Variants in ATP6V0D1 observed in about 807,000 individuals in gnomAD.
The protein encoded by ATP6V0D1 is V-type proton ATPase subunit d 1.
A neutral mutation model predicts 39.0 loss-of-function variants in ATP6V0D1; 13 were observed. That is an observed-to-expected ratio of 0.33 (90% CI 0.22 to 0.53). The LOEUF is 0.53. Among genes scored for constraint, ATP6V0D1 ranks in the 20% least tolerant of loss-of-function variants. The pLI is 0.94. For synonymous variants in ATP6V0D1, 191 were observed against 191.2 expected, an observed-to-expected ratio of 1.00 and a Z score of 0.01; for missense variants, 272 against 470.9, an observed-to-expected ratio of 0.58 and a Z score of 3.91.
At chr16:67,454,295 A>G (rs936644119) in intron 1 of ATP6V0D1, among the ~76,000 whole-genome samples, 1 of 152,218 alleles carries the variant, frequency 6.6e-6, no homozygotes, top group Non-Finnish European at 1.5e-5. Flanking sequence ...GGATGGTGTG[A>G]GTGACAAGTG....
chr16:67,480,801 G>A (rs1449857696), intron 1 of ATP6V0D1, among the ~76,000 whole-genome samples, 156 bp downstream of exon 1: 2 of 152,198 alleles, frequency 1.3e-5, no homozygotes, highest in South Asian at 2.1e-4. Context: ...ACAGCTAGAG[G>A]TAGATCCCGC....
intron 2 of ATP6V0D1, among the ~76,000 whole-genome samples, chr16:67,449,187 C>T (rs1336519476): frequency 2.6e-5 from 4 of 152,204 alleles, no homozygotes; most frequent in African/African-American, 9.7e-5. Context: ...CCCTCAGATC[C>T]CCCAGGTGGT....
intron 1 of ATP6V0D1, among the ~76,000 whole-genome samples, chr16:67,460,264 TCAGA>T (rs574829915): frequency 8.6e-4 from 131 of 152,312 alleles, no homozygotes; most frequent in African/African-American, 3.1e-3. Flanking sequence ...GTAGGAAAAC[TCAGA>T]CAGATGGACC....
rs1256420481 is a variant in ATP6V0D1, at chr16:67,447,284, GC to G, written c.303-2579del. 6.6e-6 allele frequency among the ~76,000 whole-genome samples: 1 copy of G among 152,242 alleles called. No homozygotes were observed. Among genetic ancestry groups the G allele is most frequent in the Non-Finnish European group, 1.5e-5 (1 of 68,042 alleles). ...TGGCTATAAGCTTGTTGCTGCTGCAGCCCTGCTTTTCTCTCCTGCCCAGTGA... is the reference window on the plus strand; with the variant it reads ...TGGCTATAAGCTTGTTGCTGCTGCAGCCTGCTTTTCTCTCCTGCCCAGTGA... On this transcript the variant is annotated intron_variant, in intron 2 of 7. Transcript: ENST00000290949. This position sits in a 1 kb window ranked among gnomAD's most constrained non-coding sequence, Gnocchi z 4.1.
At chr16:67,472,825 G>A (rs1009091974) in intron 1 of ATP6V0D1, among the ~76,000 whole-genome samples, 1 of 152,076 alleles carries the variant, frequency 6.6e-6, no homozygotes, top group African/African-American at 2.4e-5. Flanking sequence ...AGCCAAGATC[G>A]CGCCACTGCA....
At chr16:67,477,759 G>A (rs946600462) in intron 1 of ATP6V0D1, among the ~76,000 whole-genome samples, 2 of 151,456 alleles carry the variant, frequency 1.3e-5, no homozygotes, top group African/African-American at 4.9e-5. Context: ...TGCAAGCTCC[G>A]CCTCCCGGGT....
intron 4 of ATP6V0D1, among the ~76,000 whole-genome samples, chr16:67,442,707 A>T (rs1489585410): frequency 6.6e-6 from 1 of 152,096 alleles, no homozygotes; most frequent in African/African-American, 2.4e-5. Flanking sequence ...ACCATAAGTG[A>T]GCACACTGTT....
At chr16:67,450,885 T>C (rs965538685) in intron 2 of ATP6V0D1, among the ~76,000 whole-genome samples, 7 of 152,014 alleles carry the variant, frequency 4.6e-5, no homozygotes, top group African/African-American at 1.5e-4. Context: ...ACTTCTGCCA[T>C]TGGAATAGGG....
At chr16:67,478,543 G>A (rs747318508) in intron 1 of ATP6V0D1, among the ~76,000 whole-genome samples, 1 of 151,754 alleles carries the variant, frequency 6.6e-6, no homozygotes, top group African/African-American at 2.4e-5. Flanking sequence ...GAACTGGTGA[G>A]GTGGAGGTTG....
At chr16:67,464,965 ACT>A (rs2041317540) in intron 1 of ATP6V0D1, among the ~76,000 whole-genome samples, 1 of 151,992 alleles carries the variant, frequency 6.6e-6, no homozygotes, top group African/African-American at 2.4e-5. Context: ...CCTTGTGCCT[ACT>A]CCTTGGTCCT....
Position 67,444,419 on chromosome 16 carries a change from G to C in ATP6V0D1, c.481+109C>G, listed in dbSNP as rs1375883427. On this transcript the variant is annotated intron_variant, in intron 3 of 7. Coordinates refer to ENST00000290949, the MANE Select transcript of ATP6V0D1 (RefSeq NM_004691.5). The surrounding 1 kb of genome is among the most constrained non-coding windows in gnomAD (Gnocchi z 4.8). ...AGACAAAGGTAAGCAGCAGTGGGCA[G>C]GTCTCACTTTCTGGCTCAGGGTCGC... The C allele has an allele frequency of 8.4e-7, 1 of 1,186,730 alleles. No individual in the cohort carries two copies. The highest frequency in any genetic ancestry group is 1.5e-5 in the African/African-American group (1 of 65,168). The allele number at this position is 1,186,730 out of a possible 1,614,324, so 73.5% of individuals were successfully genotyped here. A position where few individuals can be genotyped will look rare whatever the true frequency, so the allele number is the denominator to read the frequency against.
In ATP6V0D1 at chr16:67,438,469, A is replaced by ACG. The variant is rs1402994271; in HGVS notation, c.*57_*58dup. 1,188 of 1,544,286 alleles carry ACG rather than the reference A, an allele frequency of 7.7e-4. 3 individuals are homozygous for ACG. In the African/African-American group the frequency reaches 0.015, roughly 19 times the overall value. ...ACCACATACACACACACGCACACACACGCGCACACACACACACACACACAC... is the reference window on the plus strand; with the variant it reads ...ACCACATACACACACACGCACACACACGCGCGCACACACACACACACACACAC... On this transcript the variant is annotated 3_prime_UTR_variant, in exon 8 of 8. Transcript: ENST00000290949.
intron 1 of ATP6V0D1, among the ~76,000 whole-genome samples, chr16:67,468,709 T>G: frequency 6.6e-6 from 1 of 152,046 alleles, no homozygotes; most frequent in Non-Finnish European, 1.5e-5. Context: ...AATAAGGTGT[T>G]GAAGCATTTC....
intron 1 of ATP6V0D1, among the ~76,000 whole-genome samples, chr16:67,458,259 CTG>C (rs753397272): frequency 3.8e-4 from 58 of 152,342 alleles, no homozygotes; most frequent in Non-Finnish European, 7.2e-4. Context: ...CCTGCTCTCT[CTG>C]AGGGATGCGG....
rs150314328 is a variant in ATP6V0D1 at position 67,450,686 on chromosome 16, G to C, written c.302+2858C>G. Among the ~76,000 whole-genome samples, 402 of 152,322 alleles carry C rather than the reference G, an allele frequency of 2.6e-3. 1 individual carries two copies. Among genetic ancestry groups the C allele is most frequent in the Non-Finnish European group, 3.9e-3 (268 of 68,034 alleles). ...GAGGGGAAATGAGAGAACAGACAGT[G>C]AATGTAAAAGTTTAGGTCCCACGAG... On this transcript the variant is annotated intron_variant, in intron 2 of 7. Transcript: ENST00000290949.
chr16:67,469,594 G>A (rs934452666), intron 1 of ATP6V0D1, among the ~76,000 whole-genome samples: 24 of 152,030 alleles, frequency 1.6e-4, no homozygotes, highest in African/African-American at 4.3e-4. Flanking sequence ...CTTCATGGGG[G>A]TTCCCTAAGA....
chr16:67,457,663 A>T, intron 1 of ATP6V0D1: 1 of 1,289,040 alleles, frequency 7.8e-7, no homozygotes, highest in Non-Finnish European at 1.0e-6. Context: ...TAGAGAAGCC[A>T]GGAATGTGTG....
chr16:67,446,382 C>T (rs1395172183), intron 2 of ATP6V0D1, among the ~76,000 whole-genome samples: 1 of 152,190 alleles, frequency 6.6e-6, no homozygotes, highest in Non-Finnish European at 1.5e-5. Context: ...GCCCTCTCTC[C>T]ACCCCCAATC....
At chr16:67,448,514 G>T (rs2041142214) in intron 2 of ATP6V0D1, among the ~76,000 whole-genome samples, 1 of 151,956 alleles carries the variant, frequency 6.6e-6, no homozygotes, top group African/African-American at 2.4e-5. Flanking sequence ...ACAAAAATTA[G>T]TCGGGTGTGG....
Sources: gnomAD v4.1 joint callset for allele counts (sites outside exome capture counted in the v4.1 genomes callset) on GRCh38, gnomAD v4.1.1 for gene constraint, Gnocchi (gnomAD v3.1) non-coding constraint, MANE v1.5 for transcripts, NCBI Gene and HGNC (gene_info 2026-07-23, HGNC 2026-07-21) for gene names.